The following AFF2 variants were observed in gnomAD, a reference collection of about 807,000 sequenced individuals.
The protein encoded by AFF2 is ALF transcription elongation factor 2.
A neutral mutation model predicts 76.9 loss-of-function variants in AFF2; 14 were observed. The ratio of observed to expected loss-of-function variants is 0.18; its 90% CI spans 0.12 to 0.28. The LOEUF is 0.28. Among genes scored for constraint, AFF2 ranks in the 10% least tolerant of loss-of-function variants. The probability of loss-of-function intolerance (pLI) is 1.00; values close to 1 mark genes in which losing one functional copy is unlikely to be tolerated. For missense variants in AFF2, 868 were observed against 1,001.1 expected, an observed-to-expected ratio of 0.87 and a Z score of 1.79; for synonymous variants, 398 against 366.7, an observed-to-expected ratio of 1.09 and a Z score of -0.98.
chrX:148,510,785 G>A lies in AFF2; in HGVS notation c.47+9641G>A, dbSNP rs181521712. 3.6e-5 allele frequency among the ~76,000 whole-genome samples: 4 copies of A among 112,090 alleles called. No individual in the cohort carries two copies. In the East Asian group the frequency reaches 1.1e-3, roughly 31 times the overall value. On this transcript the variant is annotated intron_variant, in intron 1 of 20. Coordinates refer to ENST00000370460, the MANE Select transcript of AFF2 (RefSeq NM_002025.4). ...GTTGGTTTTATTCACTGCTGACACTGCAATGCTTAGAACAGTGTGTGGTGC... is the reference window on the plus strand; with the variant it reads ...GTTGGTTTTATTCACTGCTGACACTACAATGCTTAGAACAGTGTGTGGTGC...
At chrX:148,951,552 A>G (rs2071968946) in intron 9 of AFF2, among the ~76,000 whole-genome samples, 1 of 111,586 alleles carries the variant, frequency 9.0e-6, no homozygotes, top group South Asian at 3.8e-4. Flanking sequence ...CCCTCAATCC[A>G]CCACCCAGTA....
chrX:148,562,146 G>A (rs941590390), intron 1 of AFF2, among the ~76,000 whole-genome samples: 6 of 112,462 alleles, frequency 5.3e-5, no homozygotes, highest in Non-Finnish European at 1.1e-4. Flanking sequence ...GCCAGCAAAT[G>A]ACAGCTTTGT....
intron 8 of AFF2, among the ~76,000 whole-genome samples, chrX:148,895,867 T>C (rs2071278656): frequency 9.0e-6 from 1 of 111,067 alleles, no homozygotes; most frequent in African/African-American, 3.3e-5. Flanking sequence ...TGCCCAACCA[T>C]TCTTACCTCT....
At position 148,762,831 on chromosome X, in the gene AFF2, C is replaced by T. The variant is rs146342559; in HGVS notation, c.1042-47045C>T. ...GTGCTACTTAATCTTGGCCTGATCT[C>T]ACCATCCATATTTCTTACAGTTTTA... On this transcript the variant is annotated intron_variant, in intron 3 of 20. Coordinates refer to ENST00000370460, the MANE Select transcript of AFF2 (RefSeq NM_002025.4). Among the ~76,000 whole-genome samples the T allele has an allele frequency of 1.4e-3, 158 of 111,605 alleles. 3 individuals carry two copies. In the East Asian group the frequency reaches 0.039, roughly 28 times the overall value.
chrX:148,635,510 C>T (rs782212457), intron 1 of AFF2, among the ~76,000 whole-genome samples: 3 of 111,801 alleles, frequency 2.7e-5, no homozygotes, highest in Non-Finnish European at 3.8e-5. Context: ...GAAGCCATTG[C>T]GTTTGTAGTA....
At chrX:148,755,295 G>A (rs2055548703) in intron 3 of AFF2, among the ~76,000 whole-genome samples, 1 of 112,032 alleles carries the variant, frequency 8.9e-6, no homozygotes, top group Non-Finnish European at 1.9e-5. Flanking sequence ...GCTTAATTAT[G>A]ATATTGAGTT....
intron 15 of AFF2, among the ~76,000 whole-genome samples, chrX:148,968,633 A>C (rs2072210225): frequency 8.9e-6 from 1 of 112,182 alleles, no homozygotes; most frequent in South Asian, 3.8e-4. Flanking sequence ...AAATACCATG[A>C]CTAGTGTGTA....
chrX:148,543,754 A>G (rs1367710568), intron 1 of AFF2, among the ~76,000 whole-genome samples: 1 of 112,454 alleles, frequency 8.9e-6, no homozygotes, highest in Non-Finnish European at 1.9e-5. Context: ...ATAAACATGC[A>G]AGAATTGATA....
Position 148,987,576 on chromosome X carries a change from C to T in AFF2, c.3814+19C>T. ...AACAAAGGTATGCTCATCTGTTCTA[C>T]CCATATAGCTCACAGACCATGATGG... On this transcript the variant is annotated intron_variant, in intron 20 of 20. Transcript: ENST00000370460. 1 of 1,180,044 alleles carries T rather than the reference C, an allele frequency of 8.5e-7. No individual in the cohort carries two copies. Among genetic ancestry groups the T allele is most frequent in the Non-Finnish European group, 1.1e-6 (1 of 870,846 alleles).
At chrX:148,755,964 A>C (rs1603294986) in intron 3 of AFF2, among the ~76,000 whole-genome samples, 1 of 112,106 alleles carries the variant, frequency 8.9e-6, no homozygotes, top group East Asian at 2.8e-4. Context: ...AGCTTGATGG[A>C]CTGGACCTGA....
rs782235358 is a variant in AFF2, at chrX:148,876,613, A to G, written c.1263-9276A>G. On this transcript the variant is annotated intron_variant, in intron 7 of 20. Coordinates refer to ENST00000370460, the MANE Select transcript of AFF2 (RefSeq NM_002025.4). The stretch of plus-strand genomic sequence containing the variant: ...TTTAAATGTGGACAGCACATTCACA[A>G]TGAGACCTTAGTAAATGAGAGTTAT... Among the ~76,000 whole-genome samples the G allele has an allele frequency of 9.8e-5, 11 of 111,955 alleles. No individual in the cohort carries two copies. In the South Asian group the frequency reaches 1.9e-3, roughly 19 times the overall value.
At chrX:148,963,006 C>G in intron 13 of AFF2, 69 bp downstream of exon 13, 1 of 772,739 alleles carries the variant, frequency 1.3e-6, no homozygotes, top group South Asian at 2.3e-5. Flanking sequence ...CTAACTTGAT[C>G]ATTTGGGGAT....
At position 148,835,139 on chromosome X, in the gene AFF2, T is replaced by C. The variant is rs184289219; in HGVS notation, c.1087-2508T>C. On this transcript the variant is annotated intron_variant, in intron 4 of 20. Coordinates refer to ENST00000370460, the MANE Select transcript of AFF2 (RefSeq NM_002025.4). ...AAAACCTAGGGGAAAAGGTACACTT[T>C]TGAGAAGTGACTTTATTCTTCCCGG... 2.5e-3 allele frequency among the ~76,000 whole-genome samples: 275 copies of C among 111,501 alleles called. 1 individual carries two copies. The highest frequency in any genetic ancestry group is 8.7e-3 in the African/African-American group (268 of 30,675).
At position 148,662,629 on chromosome X, in the gene AFF2, T is replaced by C; in HGVS notation, c.902T>C (p.Ile301Thr). 2 of 1,211,747 alleles carry C rather than the reference T, an allele frequency of 1.7e-6. No homozygotes were observed. The highest frequency in any genetic ancestry group is 1.1e-6 in the Non-Finnish European group (1 of 895,561). Residue 301 changes from isoleucine to threonine, a missense_variant, in exon 3 of 21, where the codon ATC becomes ACC. Transcript: ENST00000370460. ...PMDGQDQAPD[I>T]SPTLKPSIEF... ...GATGGCCAGGACCAGGCACCGGACA[T>C]CTCACCAACACTGAAACCTTCAATT...
At chrX:148,578,340 T>A (rs1352610063) in intron 1 of AFF2, among the ~76,000 whole-genome samples, 1 of 111,371 alleles carries the variant, frequency 9.0e-6, no homozygotes, top group Non-Finnish European at 1.9e-5. Context: ...TTCTGCCTCA[T>A]CATTTTTCTA....
At position 148,567,847 on chromosome X, in the gene AFF2, T is replaced by C. The variant is rs183924292; in HGVS notation, c.47+66703T>C. On this transcript the variant is annotated intron_variant, in intron 1 of 20. Coordinates refer to ENST00000370460, the MANE Select transcript of AFF2 (RefSeq NM_002025.4). ...TAGAAAAAGCTTTAGGAGAAAATTT[T>C]AGCAAAAGAACAGATTCTTTCTTGT... is the stretch of plus-strand genomic sequence containing the variant. Among the ~76,000 whole-genome samples the C allele has an allele frequency of 3.9e-3, 437 of 112,222 alleles. 3 individuals are homozygous for C. The highest frequency in any genetic ancestry group is 0.014 in the African/African-American group (418 of 30,927).
intron 4 of AFF2, among the ~76,000 whole-genome samples, chrX:148,824,332 G>T (rs1277189711): frequency 9.0e-6 from 1 of 111,658 alleles, no homozygotes; most frequent in African/African-American, 3.3e-5. Flanking sequence ...TTTCAGTTAT[G>T]TAGGGTAAAT....
chrX:148,836,634 C>T (rs1466952752), intron 4 of AFF2, among the ~76,000 whole-genome samples: 3 of 110,687 alleles, frequency 2.7e-5, no homozygotes, highest in Non-Finnish European at 5.7e-5. Flanking sequence ...ATGATGACTC[C>T]AACACATGCT....
intron 3 of AFF2, among the ~76,000 whole-genome samples, chrX:148,691,699 A>G (rs1302688162): frequency 8.9e-6 from 1 of 111,834 alleles, no homozygotes; most frequent in East Asian, 2.8e-4. Context: ...CAGCTGGAGT[A>G]TCAGCTGTGT....
Sources: gnomAD v4.1 joint callset for allele counts (sites outside exome capture counted in the v4.1 genomes callset) on GRCh38, gnomAD v4.1.1 for gene constraint, MANE v1.5 for transcripts, NCBI Gene and HGNC (gene_info 2026-07-23, HGNC 2026-07-21) for gene names.